The following ADGRL2 variants were observed in gnomAD, a reference collection of about 807,000 sequenced individuals.
ADGRL2 encodes the protein calcium-independent alpha-latrotoxin receptor 2.
In ADGRL2, 44 loss-of-function variants were observed where a neutral mutation model predicts 157.4. That is an observed-to-expected ratio of 0.28 (90% CI 0.22 to 0.36). The LOEUF (loss-of-function observed/expected upper bound fraction) is 0.36, where lower values mean the gene tolerates loss of function less well. Among genes scored for constraint, ADGRL2 ranks in the 10% least tolerant of loss-of-function variants. ADGRL2 has a pLI of 1.00. For missense variants in ADGRL2, 1,510 were observed against 1,768.9 expected (o/e 0.85, Z 2.63); for synonymous variants, 585 against 624.7 (o/e 0.94, Z 0.95).
chr1:81,775,244 AC>A (rs2086532357), intron 2 of ADGRL2, among the ~76,000 whole-genome samples: 1 of 152,188 alleles, frequency 6.6e-6, no homozygotes, highest in Admixed American at 6.5e-5. Flanking sequence ...TGCTTTTCTT[AC>A]TTTAAATATA....
At chr1:81,577,378 C>T (rs921274220) in intron 2 of ADGRL2, among the ~76,000 whole-genome samples, 10 of 152,172 alleles carry the variant, frequency 6.6e-5, no homozygotes, top group East Asian at 3.8e-4. Context: ...GTATGTTTCA[C>T]GTGGTTTTCC....
chr1:81,527,645 G>C (rs370678592), intron 2 of ADGRL2, among the ~76,000 whole-genome samples: 80 of 152,180 alleles, frequency 5.3e-4, no homozygotes, highest in Non-Finnish European at 1.0e-3. Flanking sequence ...CCGGGAGGCG[G>C]AGGTTGCAGT....
At chr1:81,630,543 C>T (rs1310902416) in intron 3 of ADGRL2, among the ~76,000 whole-genome samples, 1 of 151,998 alleles carries the variant, frequency 6.6e-6, no homozygotes, top group Non-Finnish European at 1.5e-5. Flanking sequence ...TGGTTATTTC[C>T]ATCATAAATC....
intron 1 of ADGRL2, among the ~76,000 whole-genome samples, chr1:81,308,863 C>T (rs966243275): frequency 6.6e-6 from 1 of 152,108 alleles, no homozygotes; most frequent in South Asian, 2.1e-4. Context: ...ACTTGCCATT[C>T]CTCTAGTAAC....
intron 1 of ADGRL2, among the ~76,000 whole-genome samples, chr1:81,806,857 C>A (rs2089228788): frequency 1.3e-5 from 2 of 151,984 alleles, no homozygotes; most frequent in South Asian, 4.1e-4. Context: ...TTTAGTTTCA[C>A]ATAAGGTGCT....
At chr1:81,379,280 G>A (rs541542811) in intron 1 of ADGRL2, among the ~76,000 whole-genome samples, 2 of 152,200 alleles carry the variant, frequency 1.3e-5, no homozygotes, top group Non-Finnish European at 2.9e-5. Flanking sequence ...GCAGGCTGTG[G>A]GGCTCCGACC....
intron 2 of ADGRL2, among the ~76,000 whole-genome samples, chr1:81,770,883 T>C (rs942892920): frequency 6.6e-6 from 1 of 152,178 alleles, no homozygotes; most frequent in Non-Finnish European, 1.5e-5. Flanking sequence ...TATTTATTTT[T>C]AAAAAGAATT....
At chr1:81,931,185 T>C (rs980713154) in intron 3 of ADGRL2, among the ~76,000 whole-genome samples, 9 of 152,062 alleles carry the variant, frequency 5.9e-5, no homozygotes, top group Admixed American at 2.6e-4. Context: ...AATTCAGTGT[T>C]TTGTCCCATT....
At chr1:81,959,526 T>C (rs1275574545) in intron 11 of ADGRL2, among the ~76,000 whole-genome samples, 2 of 152,158 alleles carry the variant, frequency 1.3e-5, no homozygotes, top group African/African-American at 4.8e-5. Context: ...TACTGAGCTT[T>C]AGCAGCATCT....
intron 1 of ADGRL2, among the ~76,000 whole-genome samples, chr1:81,382,679 G>A (rs775022779): frequency 6.6e-5 from 10 of 152,150 alleles, no homozygotes; most frequent in African/African-American, 1.7e-4. Context: ...TGGTTCCACC[G>A]CCTGAGCTGA....
chr1:81,396,981 T>C (rs569113938), intron 1 of ADGRL2, among the ~76,000 whole-genome samples: 1 of 152,222 alleles, frequency 6.6e-6, no homozygotes, highest in East Asian at 1.9e-4. Context: ...GTAGTAATGT[T>C]AGCCTCATAC....
intron 3 of ADGRL2, among the ~76,000 whole-genome samples, chr1:81,669,580 T>C (rs1211383787): frequency 6.6e-6 from 1 of 152,052 alleles, no homozygotes; most frequent in East Asian, 1.9e-4. Flanking sequence ...ATAAAAGACA[T>C]GTTAACTATT....
At chr1:81,537,537 C>T (rs764725271) in intron 2 of ADGRL2, among the ~76,000 whole-genome samples, 6 of 152,096 alleles carry the variant, frequency 3.9e-5, no homozygotes, top group South Asian at 2.1e-4. Context: ...CCTCCTTCCT[C>T]GGCCTCCCAA....
At chr1:81,808,957 A>T (rs895296248) in intron 1 of ADGRL2, among the ~76,000 whole-genome samples, 2 of 152,072 alleles carry the variant, frequency 1.3e-5, no homozygotes, top group Non-Finnish European at 2.9e-5. Flanking sequence ...GGGGAGGACA[A>T]ATGTCACTTT....
At chr1:81,909,982 G>A (rs984915959) in intron 3 of ADGRL2, among the ~76,000 whole-genome samples, 1 of 152,068 alleles carries the variant, frequency 6.6e-6, no homozygotes, top group Non-Finnish European at 1.5e-5. Flanking sequence ...GCTCACGTCT[G>A]TAATCCCAGC....
intron 2 of ADGRL2, among the ~76,000 whole-genome samples, chr1:81,871,334 T>C (rs2093688978): frequency 6.6e-6 from 1 of 152,132 alleles, no homozygotes; most frequent in South Asian, 2.1e-4. Context: ...CAGTCTATCA[T>C]TGATGGACAT....
chr1:81,918,549 A>T (rs1557910449), intron 3 of ADGRL2, among the ~76,000 whole-genome samples: 3 of 152,138 alleles, frequency 2.0e-5, no homozygotes, highest in Admixed American at 2.0e-4. Flanking sequence ...CCCCCTCTTG[A>T]TGAGTAAAAT....
intron 1 of ADGRL2, among the ~76,000 whole-genome samples, chr1:81,705,467 C>T (rs866670704): frequency 5.9e-5 from 9 of 151,992 alleles, no homozygotes; most frequent in Admixed American, 2.0e-4. Context: ...AGACTGGTCT[C>T]GAACCCCTGA....
chr1:81,445,603 C>T (rs115521650), intron 2 of ADGRL2, among the ~76,000 whole-genome samples: 1,927 of 152,228 alleles, frequency 0.013, 41 homozygotes, highest in African/African-American at 0.044. Context: ...GAATCATGAT[C>T]ATCATTTGCT....
Sources: gnomAD v4.1 joint callset for allele counts (sites outside exome capture counted in the v4.1 genomes callset) on GRCh38, gnomAD v4.1.1 for gene constraint, MANE v1.5 for transcripts, NCBI Gene and HGNC (gene_info 2026-07-23, HGNC 2026-07-21) for gene names.